SEMA4D: variants seen among roughly 807,000 people sequenced by gnomAD.
The protein encoded by SEMA4D is semaphorin-4D.
A neutral mutation model predicts 74.8 loss-of-function variants in SEMA4D; 22 were observed. The observed-to-expected ratio is 0.29, with a 90% CI of 0.21 to 0.42. The LOEUF (loss-of-function observed/expected upper bound fraction) is 0.42, where lower values mean the gene tolerates loss of function less well. Ranked by LOEUF, SEMA4D falls within the 10% of genes least tolerant of loss-of-function variation. The pLI is 1.00. For missense variants in SEMA4D, 937 were observed against 1,118.4 expected (o/e 0.84, Z 2.31); for synonymous variants, 445 against 463.7 (o/e 0.96, Z 0.52).
intron 2 of SEMA4D, among the ~76,000 whole-genome samples, chr9:89,416,357 T>C (rs1004876369): frequency 6.6e-6 from 1 of 152,214 alleles, no homozygotes; most frequent in African/African-American, 2.4e-5. Context: ...AATGAGGGGC[T>C]GGTTAACAGT....
At chr9:89,416,358 G>C (rs1461845555) in intron 2 of SEMA4D, among the ~76,000 whole-genome samples, 1 of 152,222 alleles carries the variant, frequency 6.6e-6, no homozygotes, top group Non-Finnish European at 1.5e-5. Context: ...ATGAGGGGCT[G>C]GTTAACAGTC....
chr9:89,454,369 T>C (rs999136876), intron 2 of SEMA4D, among the ~76,000 whole-genome samples: 3 of 152,266 alleles, frequency 2.0e-5, no homozygotes, highest in Non-Finnish European at 2.9e-5. Context: ...GAAGGTGGTG[T>C]GGACGTGGCT....
At chr9:89,368,970 T>C (rs2132370598) in intron 16 of SEMA4D, 1 of 152,300 alleles carries the variant, frequency 6.6e-6, no homozygotes, top group East Asian at 1.9e-4. Flanking sequence ...ACAGCTGTGT[T>C]GTAAAGGCAC....
rs748624497 is a variant in SEMA4D at position 89,392,560 on chromosome 9, G to C, written c.509-24C>G. On this transcript the variant is annotated intron_variant, in intron 7 of 15. Coordinates refer to ENST00000422704, the MANE Select transcript of SEMA4D (RefSeq NM_001371194.2). ...ATCTGCAGGGGCCCAGAAGAAAAGA[G>C]GAAAAGGGAACCAACCTCTCAGGCT... The C allele has an allele frequency of 2.0e-6, 3 of 1,521,936 alleles. No individual in the cohort carries two copies. In the Admixed American group the frequency reaches 5.0e-5, roughly 25 times the overall value. The allele number at this position is 1,521,936 out of a possible 1,614,324, so 94.3% of individuals were successfully genotyped here.
At chr9:89,446,900 G>C (rs771059520) in intron 2 of SEMA4D, among the ~76,000 whole-genome samples, 8 of 152,128 alleles carry the variant, frequency 5.3e-5, no homozygotes, top group African/African-American at 9.7e-5. Context: ...GTCTCAGCTG[G>C]GCGTGCCCCT....
chr9:89,403,971 T>C (rs1842724333), intron 3 of SEMA4D, among the ~76,000 whole-genome samples: 1 of 152,204 alleles, frequency 6.6e-6, no homozygotes, highest in Non-Finnish European at 1.5e-5. Flanking sequence ...CTTTCTGTTC[T>C]AATTTTCCCA....
At chr9:89,398,757 A>G (rs1841556994) in intron 5 of SEMA4D, among the ~76,000 whole-genome samples, 1 of 152,158 alleles carries the variant, frequency 6.6e-6, no homozygotes. Context: ...GCTGGCACCC[A>G]AAACAGCTGG....
intron 1 of SEMA4D, among the ~76,000 whole-genome samples, chr9:89,480,631 T>G (rs1015099417): frequency 4.6e-5 from 7 of 152,192 alleles, no homozygotes; most frequent in Non-Finnish European, 8.8e-5. Flanking sequence ...GCTGGGGGAC[T>G]CAGTACACCC....
At chr9:89,482,583 G>A (rs1418342782) in intron 1 of SEMA4D, among the ~76,000 whole-genome samples, 2 of 152,198 alleles carry the variant, frequency 1.3e-5, no homozygotes, top group East Asian at 1.9e-4. Context: ...AGTTTGGGGA[G>A]GGTGACACCA....
intron 2 of SEMA4D, among the ~76,000 whole-genome samples, chr9:89,454,014 C>T (rs1383899880): frequency 3.3e-5 from 5 of 152,226 alleles, no homozygotes; most frequent in Admixed American, 6.5e-5. Flanking sequence ...CCCGCCACCA[C>T]GCCTGGCTAA....
At chr9:89,387,949 A>T (rs1441191559) in intron 11 of SEMA4D, among the ~76,000 whole-genome samples, 3 of 152,254 alleles carry the variant, frequency 2.0e-5, no homozygotes, top group African/African-American at 7.2e-5. Flanking sequence ...AAAGAATGCT[A>T]AACATGGCTA....
chr9:89,432,396 G>C (rs1311775254), intron 2 of SEMA4D, among the ~76,000 whole-genome samples: 1 of 152,116 alleles, frequency 6.6e-6, no homozygotes, highest in Non-Finnish European at 1.5e-5. Context: ...GGATGATCAG[G>C]GCGGCCACAG....
At chr9:89,430,387 A>G (rs1272083389) in intron 2 of SEMA4D, among the ~76,000 whole-genome samples, 1 of 152,230 alleles carries the variant, frequency 6.6e-6, no homozygotes, top group African/African-American at 2.4e-5. Flanking sequence ...GAGGGAGACA[A>G]CTGACTGTGA....
intron 1 of SEMA4D, chr9:89,472,761 ACAG>A (rs1234946338): frequency 6.4e-6 from 1 of 155,370 alleles, no homozygotes; most frequent in East Asian, 1.9e-4. Flanking sequence ...TTCATTTCCC[ACAG>A]TAGTAAATTT....
chr9:89,421,194 C>T (rs569503440), intron 2 of SEMA4D, among the ~76,000 whole-genome samples: 16 of 152,318 alleles, frequency 1.1e-4, no homozygotes, highest in South Asian at 6.2e-4. Context: ...GGGAGAGGGC[C>T]GTGAGCCCCT....
At chr9:89,424,308 G>A (rs530922099) in intron 2 of SEMA4D, among the ~76,000 whole-genome samples, 20 of 152,272 alleles carry the variant, frequency 1.3e-4, no homozygotes, top group African/African-American at 3.1e-4. Flanking sequence ...ACCAAGGTGC[G>A]GAAAGGTCCA....
chr9:89,453,828 T>C (rs1384798576), intron 2 of SEMA4D, among the ~76,000 whole-genome samples: 1 of 151,634 alleles, frequency 6.6e-6, no homozygotes, highest in Non-Finnish European at 1.5e-5. Flanking sequence ...TTTTTGCTTC[T>C]ACTTCAACCC....
intron 1 of SEMA4D, among the ~76,000 whole-genome samples, chr9:89,486,626 C>T (rs1438287223): frequency 6.6e-6 from 1 of 152,190 alleles, no homozygotes; most frequent in Non-Finnish European, 1.5e-5. Context: ...CCCAGACAGG[C>T]TGGGCACAGT....
intron 1 of SEMA4D, among the ~76,000 whole-genome samples, chr9:89,481,053 A>G (rs564090226): frequency 6.6e-6 from 1 of 151,962 alleles, no homozygotes; most frequent in Non-Finnish European, 1.5e-5. Context: ...CCAACCCCCA[A>G]CCTCTCACTG....
Sources: allele counts gnomAD v4.1 joint callset (sites outside exome capture counted in the v4.1 genomes callset), GRCh38; gene constraint gnomAD v4.1.1; transcripts MANE v1.5; gene names NCBI Gene and HGNC (gene_info 2026-07-23, HGNC 2026-07-21).